The following CAMKMT variants were observed in gnomAD, a reference collection of about 807,000 sequenced individuals.
CAMKMT encodes calmodulin-lysine N-methyltransferase, also known as CaM KMT.
CAMKMT carries 53 observed loss-of-function variants against 48.0 expected under a neutral mutation model. The observed-to-expected ratio is 1.10, with a 90% confidence interval of 0.89 to 1.39. The LOEUF (loss-of-function observed/expected upper bound fraction) is 1.39, where lower values mean the gene tolerates loss of function less well. CAMKMT is among the 40% of genes most tolerant of loss of function. The pLI is 0.00. For synonymous variants in CAMKMT, 165 were observed against 152.3 expected, an observed-to-expected ratio of 1.08 and a Z score of -0.61; for missense variants, 428 against 402.7, an observed-to-expected ratio of 1.06 and a Z score of -0.54.
chr2:44,416,059 CTAAA>C (rs1237199056), intron 3 of CAMKMT, among the ~76,000 whole-genome samples: 2 of 152,066 alleles, frequency 1.3e-5, no homozygotes, highest in Non-Finnish European at 2.9e-5. Context: ...TTTCAGTTAA[CTAAA>C]TGCTTCATCA....
At chr2:44,432,935 A>G (rs1163348884) in intron 3 of CAMKMT, among the ~76,000 whole-genome samples, 1 of 152,216 alleles carries the variant, frequency 6.6e-6, no homozygotes, top group African/African-American at 2.4e-5. Flanking sequence ...AAATAATGAA[A>G]AGAGCTTAAT....
intron 3 of CAMKMT, among the ~76,000 whole-genome samples, chr2:44,553,185 A>G (rs1011712588): frequency 6.6e-6 from 1 of 152,186 alleles, no homozygotes; most frequent in Non-Finnish European, 1.5e-5. Flanking sequence ...ATACGATACT[A>G]TACTACTGGT....
intron 6 of CAMKMT, 64 bp downstream of exon 6, chr2:44,707,526 A>G: frequency 4.3e-6 from 6 of 1,396,044 alleles, no homozygotes; most frequent in Non-Finnish European, 6.0e-6. Context: ...CTGAGTAACA[A>G]TTGATATAAA....
chr2:44,690,483 G>A (rs1676581868), intron 3 of CAMKMT, among the ~76,000 whole-genome samples: 1 of 152,188 alleles, frequency 6.6e-6, no homozygotes, highest in African/African-American at 2.4e-5. Context: ...TAGAGTTAGA[G>A]TATGTGGGCC....
Position 44,720,457 on chromosome 2 carries a change from A to T in CAMKMT, c.623+5104A>T, listed in dbSNP as rs151067686. 5.9e-5 allele frequency among the ~76,000 whole-genome samples: 9 copies of T among 152,274 alleles called. No homozygotes were observed. The East Asian group carries it at 1.7e-3, about 29-fold the overall frequency. On this transcript the variant is annotated intron_variant, in intron 7 of 10. Transcript: ENST00000378494. ...AATCCTTCTCCCTTCACAGAATTTT[A>T]TATTGCAGAAGTTACATATCAATAA...
chr2:44,591,278 C>T (rs1182124052), intron 3 of CAMKMT, among the ~76,000 whole-genome samples: 3 of 152,014 alleles, frequency 2.0e-5, no homozygotes, highest in South Asian at 2.1e-4. Flanking sequence ...TAGTTTTTTC[C>T]AATTCTGTGA....
intron 3 of CAMKMT, among the ~76,000 whole-genome samples, chr2:44,476,192 A>G (rs1313173030): frequency 5.9e-5 from 9 of 152,344 alleles, no homozygotes; most frequent in Admixed American, 3.3e-4. Context: ...TACAAAGAAA[A>G]TTACAGTTTT....
intron 3 of CAMKMT, among the ~76,000 whole-genome samples, chr2:44,481,353 G>T (rs1395433515): frequency 2.0e-5 from 3 of 151,804 alleles, no homozygotes; most frequent in Non-Finnish European, 4.4e-5. Context: ...TGTCCTTGCT[G>T]TTGTTTTTAG....
intron 3 of CAMKMT, among the ~76,000 whole-genome samples, chr2:44,426,360 A>C (rs1027005112): frequency 2.0e-5 from 3 of 152,212 alleles, no homozygotes; most frequent in African/African-American, 7.2e-5. Context: ...AGAGAAAGAA[A>C]GAAAAGGCAT....
chr2:44,411,069 C>A (rs1440944030), intron 3 of CAMKMT, among the ~76,000 whole-genome samples: 1 of 152,092 alleles, frequency 6.6e-6, no homozygotes, highest in Non-Finnish European at 1.5e-5. Context: ...TACTGTCATA[C>A]CCATTAGTTC....
At chr2:44,476,326 C>T (rs1011465929) in intron 3 of CAMKMT, among the ~76,000 whole-genome samples, 1 of 151,722 alleles carries the variant, frequency 6.6e-6, no homozygotes, top group African/African-American at 2.4e-5. Flanking sequence ...ATTGCAAATT[C>T]AAAAGATCCC....
At chr2:44,447,803 G>A (rs574221275) in intron 3 of CAMKMT, among the ~76,000 whole-genome samples, 12 of 152,148 alleles carry the variant, frequency 7.9e-5, no homozygotes, top group Admixed American at 3.3e-4. Context: ...ATAATACTCC[G>A]CCCAAAAAAT....
chr2:44,447,387 T>C (rs1382937144), intron 3 of CAMKMT, among the ~76,000 whole-genome samples: 1 of 152,232 alleles, frequency 6.6e-6, no homozygotes, highest in African/African-American at 2.4e-5. Flanking sequence ...CAAATATTCA[T>C]AACATTAGTG....
At chr2:44,388,468 A>T (rs1307403647) in intron 2 of CAMKMT, among the ~76,000 whole-genome samples, 1 of 152,106 alleles carries the variant, frequency 6.6e-6, no homozygotes, top group Non-Finnish European at 1.5e-5. Context: ...TGCCTCCCTG[A>T]TTAGCTTAAT....
intron 3 of CAMKMT, among the ~76,000 whole-genome samples, chr2:44,615,937 T>C (rs1279686218): frequency 6.6e-6 from 1 of 152,102 alleles, no homozygotes; most frequent in East Asian, 1.9e-4. Flanking sequence ...TTTCAGCAAA[T>C]GCTGAAAACT....
At chr2:44,485,384 C>T (rs1266537767) in intron 3 of CAMKMT, among the ~76,000 whole-genome samples, 2 of 151,126 alleles carry the variant, frequency 1.3e-5, no homozygotes, top group African/African-American at 2.5e-5. Flanking sequence ...CAACTATTTC[C>T]ACACACAATA....
At position 44,523,107 on chromosome 2, in the gene CAMKMT, T is replaced by C. The variant is rs564203538; in HGVS notation, c.376+132802T>C. ...TACAACAGCACCAAACTTTTAGTAATGAAATTTGTTCTGGTTAGCTTTGCT... is the reference window on the plus strand; with the variant it reads ...TACAACAGCACCAAACTTTTAGTAACGAAATTTGTTCTGGTTAGCTTTGCT... On this transcript the variant is annotated intron_variant, in intron 3 of 10. Transcript: ENST00000378494. Among the ~76,000 whole-genome samples the C allele has an allele frequency of 5.5e-4, 84 of 152,190 alleles. 1 individual carries two copies. The highest frequency in any genetic ancestry group is 1.8e-3 in the African/African-American group (73 of 41,522).
rs1018156283 is a variant in CAMKMT at position 44,487,344 on chromosome 2, C to A, written c.376+97039C>A. On this transcript the variant is annotated intron_variant, in intron 3 of 10. Transcript: ENST00000378494. ...CTTAAAAAGAACTTTCTAGCAAAGT[C>A]ATTATAGGTAATGATTTCTCAAATG... Among the ~76,000 whole-genome samples, 3 of 151,868 alleles carry A rather than the reference C, an allele frequency of 2.0e-5. No homozygotes were observed. In the South Asian group the frequency reaches 6.2e-4, roughly 31 times the overall value.
rs537505869 is a variant in CAMKMT, at chr2:44,527,776, A to C, written c.376+137471A>C. Among the ~76,000 whole-genome samples, 52 of 107,258 alleles carry C rather than the reference A, an allele frequency of 4.8e-4. No individual in the cohort carries two copies. In the East Asian group the frequency reaches 9.0e-3, roughly 18 times the overall value. 70.4% of individuals were successfully genotyped at this position (107,258 alleles called of 152,430 possible). A position where few individuals can be genotyped will look rare whatever the true frequency, so the allele number is the denominator to read the frequency against. On this transcript the variant is annotated intron_variant, in intron 3 of 10. Coordinates refer to ENST00000378494, the MANE Select transcript of CAMKMT (RefSeq NM_024766.5). ...CATCCTCATGACCCCCTCCTCCCAC[A>C]TGTGTACAGCCCCCCCCCCCATTAT...
Sources: allele counts gnomAD v4.1 joint callset (sites outside exome capture counted in the v4.1 genomes callset), GRCh38; gene constraint gnomAD v4.1.1; transcripts MANE v1.5; gene names NCBI Gene and HGNC (gene_info 2026-07-23, HGNC 2026-07-21).